The following PARK7 variants were observed in gnomAD, a reference collection of about 807,000 sequenced individuals.
PARK7 encodes the protein Parkinsonism associated deglycase, also known as Parkinson disease protein 7.
Under a neutral mutation model 20.5 loss-of-function variants are expected in PARK7, and 14 were observed. The ratio of observed to expected loss-of-function variants is 0.68; its 90% confidence interval spans 0.45 to 1.07. The LOEUF (loss-of-function observed/expected upper bound fraction) is 1.07. Among genes scored for constraint, PARK7 ranks in the 50% least tolerant of loss-of-function variants. The probability of loss-of-function intolerance (pLI) is 0.00; values close to 1 mark genes in which losing one functional copy is unlikely to be tolerated. For synonymous variants in PARK7, 98 were observed against 84.3 expected, an observed-to-expected ratio of 1.16 and a Z score of -0.89; for missense variants, 234 against 238.1, an observed-to-expected ratio of 0.98 and a Z score of 0.11.
chr1:7,985,493 A>T lies in PARK7; in HGVS notation c.*439A>T, dbSNP rs1640800529. On this transcript the variant is annotated 3_prime_UTR_variant, in exon 7 of 7. Coordinates refer to ENST00000338639, the MANE Select transcript of PARK7 (RefSeq NM_007262.5). ...GTGTGTTTTTAATGTGCTATTAAAA[A>T]ATACCAATGAGGGCTGGGTGTGGTG... 3.8e-6 allele frequency: 1 copy of T among 260,034 alleles called. No homozygotes were observed. The highest frequency in any genetic ancestry group is 7.6e-6 in the Non-Finnish European group (1 of 132,190). The allele number at this position is 260,034 out of a possible 1,614,324, so 16.1% of individuals were successfully genotyped here.
chr1:7,972,638 G>T (rs891045613), intron 5 of PARK7, among the ~76,000 whole-genome samples: 2 of 152,052 alleles, frequency 1.3e-5, no homozygotes, highest in African/African-American at 4.8e-5. Flanking sequence ...GCACAGTGGC[G>T]CATGCCTGTA....
At chr1:7,976,462 G>A (rs559387415) in intron 5 of PARK7, among the ~76,000 whole-genome samples, 22 of 152,256 alleles carry the variant, frequency 1.4e-4, no homozygotes, top group Admixed American at 4.6e-4. Flanking sequence ...GAAGTTGGCC[G>A]TTTTCAGTGA....
intron 2 of PARK7, among the ~76,000 whole-genome samples, chr1:7,963,676 C>T (rs952529689): frequency 1.3e-5 from 2 of 152,122 alleles, no homozygotes; most frequent in African/African-American, 2.4e-5. Flanking sequence ...TGCCCGGCCC[C>T]TCAGACTCGT....
At chr1:7,983,059 G>C (rs956794699) in intron 6 of PARK7, 2 of 152,200 alleles carry the variant, frequency 1.3e-5, no homozygotes, top group Non-Finnish European at 2.9e-5. Context: ...AATGAACACT[G>C]TGTGGTTTCA....
chr1:7,981,344 G>A (rs1393723339), intron 6 of PARK7, among the ~76,000 whole-genome samples: 1 of 152,202 alleles, frequency 6.6e-6, no homozygotes, highest in East Asian at 1.9e-4. Flanking sequence ...TGCTAGGTTG[G>A]TGTCATTCTC....
intron 3 of PARK7, 198 bp from the exon 4 acceptor site, chr1:7,969,147 A>G: frequency 5.3e-6 from 3 of 561,882 alleles, no homozygotes; most frequent in Non-Finnish European, 9.5e-6. Context: ...CACTACATAC[A>G]GGTTTTCTGC....
chr1:7,965,186 A>G, intron 2 of PARK7, 138 bp from the exon 3 acceptor site: 1 of 736,314 alleles, frequency 1.4e-6, no homozygotes, highest in Non-Finnish European at 2.3e-6. Context: ...AGGCTGCAGT[A>G]AGCTATGATT....
Position 7,985,076 on chromosome 1 carries a change from C to G in PARK7, c.*22C>G. ...CTAGAGCAGCGAACTGCGACGATCA[C>G]TTAGAGAAACAGGCCGTTAGGAATC... On this transcript the variant is annotated 3_prime_UTR_variant, in exon 7 of 7. Coordinates refer to ENST00000338639, the MANE Select transcript of PARK7 (RefSeq NM_007262.5). 1 of 1,611,734 alleles carries G rather than the reference C, an allele frequency of 6.2e-7. No individual in the cohort carries two copies. Among genetic ancestry groups the G allele is most frequent in the South Asian group, 1.1e-5 (1 of 90,882 alleles).
intron 5 of PARK7, among the ~76,000 whole-genome samples, chr1:7,976,383 T>C (rs1407303022): frequency 1.3e-5 from 2 of 152,222 alleles, no homozygotes; most frequent in African/African-American, 2.4e-5. Context: ...CAATGAAAGG[T>C]ATATAAAATC....
chr1:7,974,628 CA>C (rs1341432263), intron 5 of PARK7, among the ~76,000 whole-genome samples: 146 of 132,568 alleles, frequency 1.1e-3, no homozygotes, highest in East Asian at 1.7e-3. Flanking sequence ...GACTCCATCT[CA>C]AAAAAAAAAA....
intron 3 of PARK7, among the ~76,000 whole-genome samples, chr1:7,965,991 C>G (rs1456565854): frequency 6.6e-6 from 1 of 152,126 alleles, no homozygotes; most frequent in African/African-American, 2.4e-5. Context: ...TCTAAAGATA[C>G]TTTCAGAGTT....
chr1:7,977,709 C>G lies in PARK7; in HGVS notation c.380C>G (p.Pro127Arg), dbSNP rs1334256861. The change falls in exon 6 of 7, where the codon CCT becomes CGT. Residue 127 changes from proline to arginine, a missense_variant. Pro to Arg is a moderately radical substitution (Grantham distance 103). Transcript: ENST00000338639. ...TTTGGAAGTAAAGTTACAACACACC[C>G]TCTTGCTAAAGACAAAATGATGAAT... is the stretch of plus-strand genomic sequence containing the variant. ...IGFGSKVTTH[P>R]LAKDKMMNGG... The G allele has an allele frequency of 2.5e-6, 4 of 1,614,024 alleles. No individual in the cohort carries two copies. Among genetic ancestry groups the G allele is most frequent in the Non-Finnish European group, 2.5e-6 (3 of 1,179,992 alleles).
At chr1:7,979,294 G>A (rs1640661477) in intron 6 of PARK7, among the ~76,000 whole-genome samples, 1 of 151,976 alleles carries the variant, frequency 6.6e-6, no homozygotes, top group South Asian at 2.1e-4. Flanking sequence ...CGTCTACCTT[G>A]ACCCACTCGC....
chr1:7,969,180 A>G lies in PARK7; in HGVS notation c.193-165A>G, dbSNP rs41278960. 4,143 of 610,500 alleles carry G rather than the reference A, an allele frequency of 6.8e-3. 37 individuals are homozygous for G. The highest frequency in any genetic ancestry group is 0.02 in the Middle Eastern group (44 of 2,220). The allele number at this position is 610,500 out of a possible 1,614,324, so 37.8% of individuals were successfully genotyped here. ...TGCATTTTTTGCTAGTTAAAACACC[A>G]TTCCGTCATGTGGATACACCTTAAT... is the stretch of plus-strand genomic sequence containing the variant. On this transcript the variant is annotated intron_variant, in intron 3 of 6. Coordinates refer to ENST00000338639, the MANE Select transcript of PARK7 (RefSeq NM_007262.5).
At chr1:7,970,160 A>C (rs1262508949) in intron 4 of PARK7, among the ~76,000 whole-genome samples, 3 of 152,192 alleles carry the variant, frequency 2.0e-5, no homozygotes, top group Non-Finnish European at 4.4e-5. Context: ...GCACCACTGC[A>C]TTCTAGCCTG....
At chr1:7,981,666 T>TG (rs576990237) in intron 6 of PARK7, among the ~76,000 whole-genome samples, 9 of 151,008 alleles carry the variant, frequency 6.0e-5, no homozygotes, top group African/African-American at 1.9e-4. Flanking sequence ...TTTTGTTTTT[T>TG]TTTTTTTTTT....
chr1:7,984,913 G>A lies in PARK7; in HGVS notation c.429G>A (p.Glu143=), dbSNP rs140517273. The A allele has an allele frequency of 8.4e-5, 136 of 1,614,172 alleles. No individual in the cohort carries two copies. The highest frequency in any genetic ancestry group is 1.1e-4 in the Non-Finnish European group (133 of 1,180,026). ...TTGCAGGTCATTACACCTACTCTGA[G>A]AATCGTGTGGAAAAAGACGGCCTGA... ...MMNGGHYTYS[E]NRVEKDGLIL... Residue 143 remains glutamate (E), a synonymous_variant, in exon 7 of 7, where the codon GAG becomes GAA. Transcript: ENST00000338639. This position sits in a 1 kb window ranked among gnomAD's most constrained non-coding sequence, Gnocchi z 4.3.
At chr1:7,971,124 G>C in intron 5 of PARK7, 161 bp downstream of exon 5, 8 of 753,098 alleles carry the variant, frequency 1.1e-5, no homozygotes, top group Non-Finnish European at 1.6e-5. Flanking sequence ...TCATTTCAGA[G>C]ATGAGGACAA....
rs1398881545 is a variant in PARK7 at position 7,980,401 on chromosome 1, G to C, written c.409+2663G>C. 2.0e-5 allele frequency among the ~76,000 whole-genome samples: 3 copies of C among 152,116 alleles called. No individual in the cohort carries two copies. The East Asian group carries it at 5.8e-4, about 29-fold the overall frequency. ...TTTCCTTTAGTGCCTCAAAAACATT[G>C]AGGTTGGTCAGGCATAGAAAAAGAT... is the stretch of plus-strand genomic sequence containing the variant. On this transcript the variant is annotated intron_variant, in intron 6 of 6. Coordinates refer to ENST00000338639, the MANE Select transcript of PARK7 (RefSeq NM_007262.5).
Sources: allele counts gnomAD v4.1 joint callset (sites outside exome capture counted in the v4.1 genomes callset), GRCh38; gene constraint gnomAD v4.1.1; non-coding constraint Gnocchi (gnomAD v3.1); transcripts MANE v1.5; gene names NCBI Gene and HGNC (gene_info 2026-07-23, HGNC 2026-07-21).